Variants in ASIC2 observed in about 807,000 individuals in gnomAD.
ASIC2 encodes acid sensing ion channel subunit 2.
ASIC2 carries 25 observed loss-of-function variants against 57.3 expected under a neutral mutation model. That is an observed-to-expected ratio of 0.44 (90% CI 0.32 to 0.61). ASIC2 has a LOEUF of 0.61. Ranked by LOEUF, ASIC2 falls within the 20% of genes least tolerant of loss-of-function variation. ASIC2 has a pLI of 0.06. For synonymous variants in ASIC2, 319 were observed against 307.5 expected (o/e 1.04, Z -0.39); for missense variants, 641 against 738.1 (o/e 0.87, Z 1.52).
chr17:33,711,231 G>A (rs1434926880), intron 1 of ASIC2, among the ~76,000 whole-genome samples: 1 of 152,144 alleles, frequency 6.6e-6, no homozygotes, highest in East Asian at 1.9e-4. Flanking sequence ...CTTTCTTCAG[G>A]AACACCTGGC....
upstream of ASIC2, among the ~76,000 whole-genome samples, chr17:33,293,484 C>A (rs1015799507): frequency 1.3e-5 from 2 of 152,160 alleles, no homozygotes; most frequent in Non-Finnish European, 2.9e-5. Flanking sequence ...TGGGGATGCG[C>A]TGTACAGATG....
intron 3 of ASIC2, among the ~76,000 whole-genome samples, chr17:33,042,616 G>T (rs2091933994): frequency 6.6e-6 from 1 of 152,206 alleles, no homozygotes; most frequent in South Asian, 2.1e-4. Context: ...TTGGATACCT[G>T]GTGAGACTGG....
chr17:33,228,334 A>G (rs1907961967), intron 1 of ASIC2, among the ~76,000 whole-genome samples: 1 of 152,226 alleles, frequency 6.6e-6, no homozygotes, highest in Non-Finnish European at 1.5e-5. Context: ...TGCAACGTAA[A>G]TGTTATCACA....
intron 1 of ASIC2, among the ~76,000 whole-genome samples, chr17:33,553,158 G>A (rs1597781874): frequency 1.3e-5 from 2 of 152,270 alleles, no homozygotes; most frequent in East Asian, 3.9e-4. Context: ...CCAAATCAAT[G>A]CAGTGGAGGC....
intron 1 of ASIC2, among the ~76,000 whole-genome samples, chr17:33,602,666 C>G (rs4794963): frequency 0.046 from 7,076 of 152,284 alleles, 387 homozygotes; most frequent in African/African-American, 0.13. Context: ...AAAGACCTCT[C>G]TGGTCTCACT....
chr17:33,968,476 C>A (rs117926775), intron 1 of ASIC2, among the ~76,000 whole-genome samples: 92 of 152,322 alleles, frequency 6.0e-4, no homozygotes, highest in Non-Finnish European at 1.2e-3. Context: ...TCCCGCACTG[C>A]AAGGGAGAAA....
intron 1 of ASIC2, among the ~76,000 whole-genome samples, chr17:33,727,980 G>T (rs1367249620): frequency 6.6e-6 from 1 of 152,188 alleles, no homozygotes; most frequent in Non-Finnish European, 1.5e-5. Context: ...TGCCCTCCAA[G>T]GGCCTACAAG....
intron 1 of ASIC2, among the ~76,000 whole-genome samples, chr17:34,025,178 G>T (rs781412796): frequency 6.6e-6 from 1 of 152,242 alleles, no homozygotes; most frequent in Non-Finnish European, 1.5e-5. Flanking sequence ...CTATTGCCTT[G>T]TTCCTTCTGA....
intron 1 of ASIC2, among the ~76,000 whole-genome samples, chr17:33,662,723 T>TCCCC (rs1412866540): frequency 6.9e-4 from 79 of 113,794 alleles, no homozygotes; most frequent in Admixed American, 3.6e-4. Context: ...GTTTCCTCCC[T>TCCCC]CCCTCCCTCC....
chr17:33,430,159 G>A (rs1387300979), intron 1 of ASIC2, among the ~76,000 whole-genome samples: 1 of 152,134 alleles, frequency 6.6e-6, no homozygotes, highest in African/African-American at 2.4e-5. Context: ...TTGTCCTCTT[G>A]TCTCCTGCTT....
intron 1 of ASIC2, among the ~76,000 whole-genome samples, chr17:33,655,173 T>C (rs1162592496): frequency 1.3e-5 from 2 of 152,222 alleles, no homozygotes; most frequent in African/African-American, 4.8e-5. Flanking sequence ...ACAGACCTGG[T>C]GCCTCGGGAA....
rs557438052 is a variant in ASIC2 at position 33,650,026 on chromosome 17, ACT to A, written c.555+505950_555+505951del. Among the ~76,000 whole-genome samples, 30 of 152,310 alleles carry A rather than the reference ACT, an allele frequency of 2.0e-4. No individual in the cohort carries two copies. In the South Asian group the frequency reaches 3.7e-3, roughly 19 times the overall value. On this transcript the variant is annotated intron_variant, in intron 1 of 9. Coordinates refer to the ASIC2 transcript ENST00000359872. The stretch of plus-strand genomic sequence containing the variant: ...ATTAAAAACTTTTGCTATTTGAAAG[ACT>A]CTCTTAAGAGGGTAAAAAGACAAGG...
intron 3 of ASIC2, among the ~76,000 whole-genome samples, chr17:33,046,534 G>T (rs1598251531): frequency 6.6e-6 from 1 of 152,068 alleles, no homozygotes; most frequent in African/African-American, 2.4e-5. Flanking sequence ...GTGTGTGTGT[G>T]GGGAGCTGAA....
intron 1 of ASIC2, among the ~76,000 whole-genome samples, chr17:33,401,974 T>C (rs1910301506): frequency 6.6e-6 from 1 of 152,166 alleles, no homozygotes; most frequent in Non-Finnish European, 1.5e-5. Flanking sequence ...AAGAATTGAT[T>C]CTCTTCTTTG....
intron 1 of ASIC2, among the ~76,000 whole-genome samples, chr17:33,655,179 G>A (rs541863669): frequency 3.7e-4 from 57 of 152,254 alleles, no homozygotes; most frequent in African/African-American, 1.2e-3. Context: ...CTGGTGCCTC[G>A]GGAAAGCCCT....
intron 1 of ASIC2, among the ~76,000 whole-genome samples, chr17:33,790,724 C>T (rs1911745082): frequency 6.6e-6 from 1 of 152,032 alleles, no homozygotes; most frequent in African/African-American, 2.4e-5. Flanking sequence ...TTACATCTAT[C>T]ATCTCTATCA....
At chr17:33,747,853 C>T (rs563076818) in intron 1 of ASIC2, among the ~76,000 whole-genome samples, 2 of 152,302 alleles carry the variant, frequency 1.3e-5, no homozygotes, top group South Asian at 2.1e-4. Context: ...CTCTGACAGG[C>T]GGGCCTCACC....
intron 1 of ASIC2, among the ~76,000 whole-genome samples, chr17:33,199,829 C>T (rs16968145): frequency 3.3e-5 from 5 of 151,856 alleles, no homozygotes; most frequent in African/African-American, 7.3e-5. Flanking sequence ...GTTAATATAG[C>T]GAACTTGATC....
intron 1 of ASIC2, among the ~76,000 whole-genome samples, chr17:33,496,764 T>G (rs1401712757): frequency 6.6e-6 from 1 of 151,738 alleles, no homozygotes; most frequent in Non-Finnish European, 1.5e-5. Context: ...ATTACAAGTG[T>G]GCACCACCAT....
Sources: allele counts gnomAD v4.1 joint callset (sites outside exome capture counted in the v4.1 genomes callset), GRCh38; gene constraint gnomAD v4.1.1; transcripts MANE v1.5; gene names NCBI Gene and HGNC (gene_info 2026-07-23, HGNC 2026-07-21).